ADK: variants seen among roughly 807,000 people sequenced by gnomAD.
ADK encodes the protein N6,N6-dimethyladenosine kinase.
In ADK, 24 loss-of-function variants were observed where a neutral mutation model predicts 44.7. The observed-to-expected ratio is 0.54, with a 90% CI of 0.39 to 0.76. The LOEUF (loss-of-function observed/expected upper bound fraction) is 0.76, where lower values mean the gene tolerates loss of function less well. ADK is among the 30% of genes least tolerant of loss of function. The probability of loss-of-function intolerance (pLI) is 0.00; values close to 1 mark genes in which losing one functional copy is unlikely to be tolerated. For missense variants in ADK, 321 were observed against 425.1 expected (o/e 0.76, Z 2.15); for synonymous variants, 128 against 142.6 (o/e 0.90, Z 0.73).
chr10:74,266,194 C>T (rs1374243293), intron 3 of ADK, among the ~76,000 whole-genome samples: 6 of 152,120 alleles, frequency 3.9e-5, no homozygotes, highest in East Asian at 3.8e-4. Flanking sequence ...CAGTACAGGA[C>T]GCTAGGTGGT....
chr10:74,426,520 A>C (rs1844802919), intron 6 of ADK, among the ~76,000 whole-genome samples: 1 of 152,212 alleles, frequency 6.6e-6, no homozygotes. Flanking sequence ...TACTTGTCAT[A>C]CAAGAAAAAG....
intron 6 of ADK, among the ~76,000 whole-genome samples, chr10:74,487,453 T>C (rs557434482): frequency 6.6e-6 from 1 of 152,048 alleles, no homozygotes; most frequent in Admixed American, 6.5e-5. Flanking sequence ...TTATGAAATA[T>C]TTCATTTTGT....
intron 7 of ADK, among the ~76,000 whole-genome samples, chr10:74,586,814 A>C (rs1457577558): frequency 6.6e-6 from 1 of 151,390 alleles, no homozygotes; most frequent in Non-Finnish European, 1.5e-5. Context: ...AGATCGCACC[A>C]CTGCACTCCA....
chr10:74,172,689 CAAAAA>C (rs67914966), intron 1 of ADK, among the ~76,000 whole-genome samples: 1 of 66,292 alleles, frequency 1.5e-5, no homozygotes, highest in Non-Finnish European at 2.9e-5. Context: ...AACTCCATCT[CAAAAA>C]AAAAAAAAAA....
intron 4 of ADK, among the ~76,000 whole-genome samples, chr10:74,347,718 T>C (rs1345384036): frequency 3.9e-5 from 6 of 152,040 alleles, no homozygotes; most frequent in Non-Finnish European, 8.8e-5. Context: ...CCTTGGACCA[T>C]TGGGCTTGGT....
At chr10:74,433,096 C>A (rs1485241432) in intron 6 of ADK, among the ~76,000 whole-genome samples, 4 of 152,170 alleles carry the variant, frequency 2.6e-5, no homozygotes, top group African/African-American at 9.7e-5. Flanking sequence ...AGCAAACCAA[C>A]ATAGAATCAT....
At chr10:74,330,274 T>A (rs1408198696) in intron 4 of ADK, among the ~76,000 whole-genome samples, 1 of 152,126 alleles carries the variant, frequency 6.6e-6, no homozygotes, top group East Asian at 1.9e-4. Flanking sequence ...AAGCCAGGTG[T>A]GGTGGTGCAT....
At chr10:74,385,953 C>G (rs1843124822) in intron 4 of ADK, among the ~76,000 whole-genome samples, 1 of 152,090 alleles carries the variant, frequency 6.6e-6, no homozygotes, top group Non-Finnish European at 1.5e-5. Context: ...TAATAGGATG[C>G]TTGCTGGCAG....
At chr10:74,222,044 C>CA (rs1287189424) in intron 2 of ADK, among the ~76,000 whole-genome samples, 1 of 152,106 alleles carries the variant, frequency 6.6e-6, no homozygotes, top group African/African-American at 2.4e-5. Context: ...TTCTGCACAG[C>CA]AAAAGAAACT....
chr10:74,347,489 G>A (rs1295686842), intron 4 of ADK, among the ~76,000 whole-genome samples: 3 of 152,102 alleles, frequency 2.0e-5, no homozygotes, highest in South Asian at 2.1e-4. Context: ...AAAACTGGGC[G>A]GCTGTTTAGG....
At chr10:74,655,074 C>A in intron 9 of ADK, 1 of 235,766 alleles carries the variant, frequency 4.2e-6, no homozygotes. Flanking sequence ...GGGCCGCCTT[C>A]CCTTCATCCG....
intron 7 of ADK, among the ~76,000 whole-genome samples, chr10:74,587,001 G>A (rs1043333799): frequency 2.6e-5 from 4 of 151,868 alleles, no homozygotes; most frequent in Non-Finnish European, 5.9e-5. Context: ...TACTGTATGT[G>A]AATTTTGAGC....
intron 4 of ADK, among the ~76,000 whole-genome samples, chr10:74,369,411 T>C (rs934864968): frequency 6.6e-6 from 1 of 152,218 alleles, no homozygotes; most frequent in Admixed American, 6.5e-5. Flanking sequence ...CATAGTTGAT[T>C]GCATTCATGA....
chr10:74,428,980 T>G (rs993978868), intron 6 of ADK, among the ~76,000 whole-genome samples: 3 of 152,102 alleles, frequency 2.0e-5, no homozygotes, highest in Admixed American at 6.5e-5. Flanking sequence ...TATGCATACA[T>G]ACAGAAAAAG....
intron 7 of ADK, among the ~76,000 whole-genome samples, chr10:74,526,768 G>T (rs1230836315): frequency 6.6e-6 from 1 of 152,202 alleles, no homozygotes; most frequent in African/African-American, 2.4e-5. Context: ...GCAAGAAATA[G>T]TGGTAATAGC....
rs529768931 is a variant in ADK, at chr10:74,212,855, G to A, written c.141-11683G>A. 2.7e-5 allele frequency among the ~76,000 whole-genome samples: 4 copies of A among 150,640 alleles called. No individual in the cohort carries two copies. The East Asian group carries it at 5.9e-4, about 22-fold the overall frequency. On this transcript the variant is annotated intron_variant, in intron 2 of 10. Transcript: ENST00000539909. ...GGAAGAGAGTGCAGTAATACTTTTCGTGTTATCAAGGTAAGACTTGATTGA... is the reference window on the plus strand; with the variant it reads ...GGAAGAGAGTGCAGTAATACTTTTCATGTTATCAAGGTAAGACTTGATTGA...
At chr10:74,651,115 G>C (rs1854252929) in intron 9 of ADK, among the ~76,000 whole-genome samples, 1 of 152,158 alleles carries the variant, frequency 6.6e-6, no homozygotes, top group African/African-American at 2.4e-5. Flanking sequence ...GGAGGCATCA[G>C]CTAGGGATAG....
At chr10:74,577,034 G>A (rs1851209357) in intron 7 of ADK, among the ~76,000 whole-genome samples, 1 of 151,224 alleles carries the variant, frequency 6.6e-6, no homozygotes, top group South Asian at 2.1e-4. Context: ...TTTCCATATA[G>A]CAGTGGTACC....
rs12416316 is a variant in ADK at position 74,614,099 on chromosome 10, A to C, written c.877+13606A>C. Among the ~76,000 whole-genome samples, 278 of 152,270 alleles carry C rather than the reference A, an allele frequency of 1.8e-3. 4 individuals carry two copies. The highest frequency in any genetic ancestry group is 0.018 in the East Asian group (93 of 5,186). ...AACTCCTTTAATTAATTGGTCAAAA[A>C]TAATTTAGAATAACATGTGGACCTG... On this transcript the variant is annotated intron_variant, in intron 9 of 10. Coordinates refer to ENST00000539909, the MANE Select transcript of ADK (RefSeq NM_006721.4).
Sources: gnomAD v4.1 joint callset for allele counts (sites outside exome capture counted in the v4.1 genomes callset) on GRCh38, gnomAD v4.1.1 for gene constraint, MANE v1.5 for transcripts, NCBI Gene and HGNC (gene_info 2026-07-23, HGNC 2026-07-21) for gene names.